GPHN: variants seen among roughly 807,000 people sequenced by gnomAD.
GPHN encodes gephyrin.
A neutral mutation model predicts 95.5 loss-of-function variants in GPHN; 17 were observed. That is an observed-to-expected ratio of 0.18 (90% confidence interval 0.12 to 0.27). The LOEUF is 0.27. GPHN is among the 10% of genes least tolerant of loss of function. The pLI is 1.00. For synonymous variants in GPHN, 320 were observed against 322.5 expected, an observed-to-expected ratio of 0.99 and a Z score of 0.08; for missense variants, 660 against 978.1, an observed-to-expected ratio of 0.67 and a Z score of 4.34.
At chr14:66,714,490 C>T (rs1327872327) in intron 2 of GPHN, among the ~76,000 whole-genome samples, 1 of 152,128 alleles carries the variant, frequency 6.6e-6, no homozygotes, top group Non-Finnish European at 1.5e-5. Flanking sequence ...CCGTTTTTTA[C>T]TTTCTCTTGT....
At chr14:67,094,945 C>T (rs1299271086) in intron 12 of GPHN, among the ~76,000 whole-genome samples, 1 of 152,152 alleles carries the variant, frequency 6.6e-6, no homozygotes, top group African/African-American at 2.4e-5. Flanking sequence ...AACCCAAGAG[C>T]AATAGGCTAT....
the GPHN span, chr14:67,674,558 C>A: frequency 1.4e-6 from 2 of 1,392,068 alleles, no homozygotes; most frequent in South Asian, 1.4e-5. Flanking sequence ...GCCCGGCGGT[C>A]AGCCGCCCAG....
At chr14:67,374,880 A>G in the GPHN span, among the ~76,000 whole-genome samples, 1 of 152,226 alleles carries the variant, frequency 6.6e-6, no homozygotes, top group Non-Finnish European at 1.5e-5. Context: ...CTGGGATTAC[A>G]GAAGTGAGCC....
chr14:67,317,404 A>G, the GPHN span: 3 of 1,608,634 alleles, frequency 1.9e-6, no homozygotes, highest in Non-Finnish European at 1.7e-6. Context: ...TGATTGCTCA[A>G]CAGGAAAACT....
At chr14:66,802,093 T>A (rs962496358) in intron 3 of GPHN, among the ~76,000 whole-genome samples, 3 of 152,128 alleles carry the variant, frequency 2.0e-5, no homozygotes, top group African/African-American at 7.2e-5. Flanking sequence ...ATAGGTGCCA[T>A]CCAGGAGCCA....
At chr14:67,309,003 A>G in the GPHN span, among the ~76,000 whole-genome samples, 1 of 152,068 alleles carries the variant, frequency 6.6e-6, no homozygotes, top group Non-Finnish European at 1.5e-5. Context: ...GCTTATAGAT[A>G]TTAAAAAAAG....
At chr14:67,120,575 T>TGATAACA (rs1175581046) in intron 16 of GPHN, among the ~76,000 whole-genome samples, 1 of 152,158 alleles carries the variant, frequency 6.6e-6, no homozygotes, top group Non-Finnish European at 1.5e-5. Flanking sequence ...GAAAACACCC[T>TGATAACA]GATAACAGAG....
chr14:67,011,291 G>C (rs1311078760), intron 9 of GPHN, among the ~76,000 whole-genome samples: 1 of 151,940 alleles, frequency 6.6e-6, no homozygotes, highest in African/African-American at 2.4e-5. Context: ...GAATATTAAA[G>C]GCCTGGCACA....
At chr14:66,686,442 G>T (rs2067367030) in intron 2 of GPHN, among the ~76,000 whole-genome samples, 2 of 152,282 alleles carry the variant, frequency 1.3e-5, no homozygotes, top group South Asian at 4.1e-4. Context: ...GTGGTTTGTA[G>T]TTCTCCTTGA....
chr14:67,530,741 G>A, the GPHN span, among the ~76,000 whole-genome samples: 1 of 152,222 alleles, frequency 6.6e-6, no homozygotes, highest in African/African-American at 2.4e-5. Context: ...GCCCTTGCAT[G>A]AATGGAGTGT....
chr14:67,478,607 G>A, the GPHN span, among the ~76,000 whole-genome samples: 1 of 152,168 alleles, frequency 6.6e-6, no homozygotes, highest in African/African-American at 2.4e-5. Flanking sequence ...AGTAAATAAA[G>A]CTCAAACCCC....
intron 4 of GPHN, among the ~76,000 whole-genome samples, chr14:66,831,047 A>C (rs566650988): frequency 3.3e-5 from 5 of 152,206 alleles, no homozygotes; most frequent in African/African-American, 9.6e-5. Flanking sequence ...CCTGGGAAGA[A>C]GAAAAAATTG....
At chr14:67,667,287 C>T in the GPHN span, among the ~76,000 whole-genome samples, 147,765 of 152,306 alleles carry the variant, frequency 0.97, 71,813 homozygotes, top group East Asian at 1. Context: ...GTTGTGGAAA[C>T]AACTTCAGTT....
intron 9 of GPHN, among the ~76,000 whole-genome samples, chr14:67,022,861 C>T (rs972432411): frequency 6.6e-6 from 1 of 151,820 alleles, no homozygotes; most frequent in African/African-American, 2.4e-5. Context: ...AAATTAACAA[C>T]ATGTTAATGA....
intron 17 of GPHN, among the ~76,000 whole-genome samples, chr14:67,131,104 A>G (rs1326954258): frequency 6.6e-6 from 1 of 152,100 alleles, no homozygotes; most frequent in African/African-American, 2.4e-5. Context: ...GTAGATGGGT[A>G]AATAAGTACT....
intron 1 of GPHN, among the ~76,000 whole-genome samples, chr14:66,591,064 T>G (rs1009810173): frequency 6.6e-6 from 1 of 152,178 alleles, no homozygotes; most frequent in African/African-American, 2.4e-5. Context: ...ACCACATGAT[T>G]ATCTCAATAG....
intron 1 of GPHN, among the ~76,000 whole-genome samples, chr14:66,655,147 C>T (rs554484944): frequency 6.6e-6 from 1 of 152,184 alleles, no homozygotes; most frequent in Middle Eastern, 3.4e-3. Context: ...TCTATGTATA[C>T]TAAAAATACT....
chr14:67,381,756 T>C, the GPHN span: 1 of 1,194,390 alleles, frequency 8.4e-7, no homozygotes, highest in South Asian at 1.4e-5. Flanking sequence ...TCTTTGATCT[T>C]TGTTTCTTTT....
chr14:67,694,174 T>G, the GPHN span, among the ~76,000 whole-genome samples: 1 of 152,262 alleles, frequency 6.6e-6, no homozygotes, highest in African/African-American at 2.4e-5. Context: ...TGAAGCTACC[T>G]GCATAGTGCG....
Sources: allele counts gnomAD v4.1 joint callset (sites outside exome capture counted in the v4.1 genomes callset), GRCh38; gene constraint gnomAD v4.1.1; transcripts MANE v1.5; gene names NCBI Gene and HGNC (gene_info 2026-07-23, HGNC 2026-07-21).